Variants in SEPTIN7 observed in about 807,000 individuals in gnomAD.
SEPTIN7 encodes the protein septin 7.
SEPTIN7 carries 10 observed loss-of-function variants against 63.3 expected under a neutral mutation model. That is an observed-to-expected ratio of 0.16 (90% confidence interval 0.10 to 0.27). The LOEUF is 0.27. Ranked by LOEUF, SEPTIN7 falls within the 10% of genes least tolerant of loss-of-function variation. SEPTIN7 has a pLI of 1.00. For synonymous variants in SEPTIN7, 131 were observed against 165.3 expected, an observed-to-expected ratio of 0.79 and a Z score of 1.59; for missense variants, 310 against 521.0, an observed-to-expected ratio of 0.59 and a Z score of 3.94.
intron 1 of SEPTIN7, among the ~76,000 whole-genome samples, chr7:35,817,498 T>G (rs1245839463): frequency 6.6e-6 from 1 of 152,120 alleles, no homozygotes; most frequent in Non-Finnish European, 1.5e-5. Context: ...TTGTTCTGTT[T>G]CAAAATTGTT....
intron 1 of SEPTIN7, among the ~76,000 whole-genome samples, chr7:35,806,371 C>T (rs1245930806): frequency 1.3e-5 from 2 of 152,024 alleles, no homozygotes; most frequent in African/African-American, 2.4e-5. Flanking sequence ...GAACATTATG[C>T]TAGGTCATTA....
chr7:35,865,314 G>A (rs1404085485), intron 4 of SEPTIN7, among the ~76,000 whole-genome samples: 1 of 152,124 alleles, frequency 6.6e-6, no homozygotes, highest in African/African-American at 2.4e-5. Context: ...CTGTCATTCA[G>A]TATTACACCC....
At chr7:35,803,257 A>G (rs1788114899) in intron 1 of SEPTIN7, 1 of 429,652 alleles carries the variant, frequency 2.3e-6, no homozygotes, top group South Asian at 9.8e-5. Context: ...TTGGTTGTTC[A>G]GATTTGCACA....
chr7:35,885,430 T>G (rs1787169675), intron 9 of SEPTIN7, among the ~76,000 whole-genome samples: 1 of 152,184 alleles, frequency 6.6e-6, no homozygotes, highest in South Asian at 2.1e-4. Context: ...CTGAAAGTTC[T>G]TGGCTCCCTT....
chr7:35,885,561 C>T (rs1344292557), intron 9 of SEPTIN7, among the ~76,000 whole-genome samples: 1 of 152,088 alleles, frequency 6.6e-6, no homozygotes, highest in African/African-American at 2.4e-5. Flanking sequence ...TTTCCCCTTT[C>T]AGAATTTCAA....
intron 3 of SEPTIN7, among the ~76,000 whole-genome samples, chr7:35,835,988 A>G (rs1486727330): frequency 1.3e-5 from 2 of 152,190 alleles, no homozygotes; most frequent in African/African-American, 4.8e-5. Flanking sequence ...GGAATTTTTC[A>G]AGATTTTTTT....
intron 3 of SEPTIN7, among the ~76,000 whole-genome samples, chr7:35,858,387 A>G (rs1231026528): frequency 1.3e-5 from 2 of 152,062 alleles, no homozygotes; most frequent in African/African-American, 4.8e-5. Flanking sequence ...GACAGAGTCT[A>G]GCTCTGTCGC....
intron 1 of SEPTIN7, among the ~76,000 whole-genome samples, chr7:35,805,134 G>A (rs1347423856): frequency 2.0e-5 from 3 of 152,028 alleles, no homozygotes; most frequent in Non-Finnish European, 2.9e-5. Flanking sequence ...CTCCTGCCTC[G>A]GCCTCCCAAA....
rs1788943518 is a variant in SEPTIN7, at chr7:35,814,802, C to T, written c.61+13532C>T. ...CATCCTGGCTAACACGGTGAAACCC[C>T]GTCTCTACTAAAAATACAAAGAATT... On this transcript the variant is annotated intron_variant, in intron 1 of 13. Coordinates refer to ENST00000350320, the MANE Select transcript of SEPTIN7 (RefSeq NM_001788.6). Among the ~76,000 whole-genome samples, 4 of 151,850 alleles carry T rather than the reference C, an allele frequency of 2.6e-5. No individual in the cohort carries two copies. The South Asian group carries it at 8.3e-4, about 32-fold the overall frequency.
At chr7:35,862,728 T>C (rs1461026581) in intron 3 of SEPTIN7, among the ~76,000 whole-genome samples, 1 of 152,192 alleles carries the variant, frequency 6.6e-6, no homozygotes, top group Non-Finnish European at 1.5e-5. Flanking sequence ...TGCCTATTAT[T>C]CTAAGTGAAT....
chr7:35,825,473 G>A (rs1306032647), intron 1 of SEPTIN7, among the ~76,000 whole-genome samples: 1 of 152,050 alleles, frequency 6.6e-6, no homozygotes, highest in Non-Finnish European at 1.5e-5. Flanking sequence ...TCAAATTAAG[G>A]TCTACTAGTC....
At chr7:35,882,302 TAA>T (rs148408656) in intron 7 of SEPTIN7, among the ~76,000 whole-genome samples, 180 bp from the exon 8 acceptor site, 14 of 140,384 alleles carry the variant, frequency 1.0e-4, no homozygotes, top group Admixed American at 1.4e-4. Context: ...ACTTCATAGT[TAA>T]AAAAAAAAAA....
chr7:35,852,246 C>A (rs911755011), intron 3 of SEPTIN7, among the ~76,000 whole-genome samples: 13 of 152,102 alleles, frequency 8.5e-5, no homozygotes, highest in Non-Finnish European at 1.6e-4. Flanking sequence ...AGGGCACTGA[C>A]ACACAGAAGT....
intron 4 of SEPTIN7, among the ~76,000 whole-genome samples, chr7:35,864,002 G>T (rs1228574644): frequency 2.0e-5 from 3 of 150,766 alleles, no homozygotes; most frequent in Middle Eastern, 3.2e-3. Context: ...TTTCTCATTT[G>T]CTCCAGATAC....
At chr7:35,908,502 T>C (rs958730722), downstream of SEPTIN7, among the ~76,000 whole-genome samples, 13 of 152,130 alleles carry the variant, frequency 8.5e-5, no homozygotes, top group Admixed American at 1.3e-4. Flanking sequence ...ACACGGAACC[T>C]CTTTTAGATG....
At chr7:35,913,283 G>A in the SEPTIN7 span, among the ~76,000 whole-genome samples, 6 of 152,160 alleles carry the variant, frequency 3.9e-5, no homozygotes, top group African/African-American at 1.4e-4. Flanking sequence ...TGGAAGTCCT[G>A]ACACCCTCCT....
downstream of SEPTIN7, among the ~76,000 whole-genome samples, chr7:35,911,967 C>T (rs918099975): frequency 6.6e-6 from 1 of 152,186 alleles, no homozygotes; most frequent in African/African-American, 2.4e-5. Context: ...CACTTGGAAG[C>T]TCTGTGATTT....
At chr7:35,889,306 A>G (rs547897838) in intron 10 of SEPTIN7, among the ~76,000 whole-genome samples, 40 of 152,338 alleles carry the variant, frequency 2.6e-4, no homozygotes, top group Middle Eastern at 6.8e-3. Flanking sequence ...TATTGTGGCT[A>G]TAAGAGAACG....
At chr7:35,875,511 A>G (rs547851289) in intron 6 of SEPTIN7, among the ~76,000 whole-genome samples, 1 of 152,248 alleles carries the variant, frequency 6.6e-6, no homozygotes, top group African/African-American at 2.4e-5. Flanking sequence ...GTTTTTAGAT[A>G]ATTATAAATT....
Sources: gnomAD v4.1 joint callset for allele counts (sites outside exome capture counted in the v4.1 genomes callset) on GRCh38, gnomAD v4.1.1 for gene constraint, MANE v1.5 for transcripts, NCBI Gene and HGNC (gene_info 2026-07-23, HGNC 2026-07-21) for gene names.